The following HCRTR2 variants were observed in gnomAD, a reference collection of about 807,000 sequenced individuals.
HCRTR2 encodes the protein hypocretin receptor 2.
In HCRTR2, 22 loss-of-function variants were observed where a neutral mutation model predicts 49.0. That is an observed-to-expected ratio of 0.45 (90% CI 0.32 to 0.64). The LOEUF (loss-of-function observed/expected upper bound fraction) is 0.64. Among genes scored for constraint, HCRTR2 ranks in the 30% least tolerant of loss-of-function variants. The pLI is 0.04. For missense variants in HCRTR2, 491 were observed against 559.4 expected (o/e 0.88, Z 1.23); for synonymous variants, 236 against 205.3 (o/e 1.15, Z -1.28).
At chr6:55,262,732 G>A (rs1053446983) in intron 3 of HCRTR2, among the ~76,000 whole-genome samples, 39 of 126,870 alleles carry the variant, frequency 3.1e-4, no homozygotes, top group Non-Finnish European at 4.9e-4. Flanking sequence ...ACATATATAA[G>A]GTAGGGAATA....
upstream of HCRTR2, among the ~76,000 whole-genome samples, chr6:55,173,144 A>G (rs1226214891): frequency 6.6e-6 from 1 of 152,372 alleles, no homozygotes; most frequent in African/African-American, 2.4e-5. Context: ...GAATCTGTGA[A>G]GCATTGTCAT....
intron 1 of HCRTR2, among the ~76,000 whole-genome samples, chr6:55,241,501 G>A (rs905208802): frequency 4.6e-5 from 7 of 151,966 alleles, no homozygotes; most frequent in Non-Finnish European, 8.8e-5. Context: ...AAATTGTTAT[G>A]CTATTTATTT....
At chr6:55,124,280 C>A (rs988539308) in intron 1 of HCRTR2, among the ~76,000 whole-genome samples, 1 of 152,180 alleles carries the variant, frequency 6.6e-6, no homozygotes, top group African/African-American at 2.4e-5. Flanking sequence ...CTACACACTG[C>A]TTTAAATGTG....
chr6:55,136,728 A>C (rs1435757963), intron 1 of HCRTR2, among the ~76,000 whole-genome samples: 1 of 152,152 alleles, frequency 6.6e-6, no homozygotes, highest in Non-Finnish European at 1.5e-5. Flanking sequence ...TATTGCCTTA[A>C]AATTTTTAAT....
chr6:55,278,452 T>C (rs1165959693), intron 5 of HCRTR2, among the ~76,000 whole-genome samples: 3 of 152,184 alleles, frequency 2.0e-5, no homozygotes, highest in Non-Finnish European at 4.4e-5. Context: ...CTGGGAACTC[T>C]GAAGAACAGC....
chr6:55,277,353 A>G (rs879048343), intron 4 of HCRTR2, 27 bp from the exon 5 acceptor site: 3 of 1,575,912 alleles, frequency 1.9e-6, no homozygotes, highest in Non-Finnish European at 1.7e-6. Context: ...TCAAATTGCA[A>G]TAAGGGTCTG....
chr6:55,225,269 T>C (rs1453905159), intron 1 of HCRTR2, among the ~76,000 whole-genome samples: 1 of 152,222 alleles, frequency 6.6e-6, no homozygotes, highest in Non-Finnish European at 1.5e-5. Flanking sequence ...TAGTGTGTCA[T>C]ACAAATACCC....
intron 1 of HCRTR2, among the ~76,000 whole-genome samples, chr6:55,129,267 C>G (rs751863916): frequency 6.6e-6 from 1 of 152,186 alleles, no homozygotes; most frequent in Non-Finnish European, 1.5e-5. Context: ...ATCATATCCC[C>G]TTGTGTTTTC....
chr6:55,279,019 G>A (rs1205785921), intron 5 of HCRTR2, among the ~76,000 whole-genome samples: 1 of 151,372 alleles, frequency 6.6e-6, no homozygotes, highest in Non-Finnish European at 1.5e-5. Context: ...AATAATATAT[G>A]TCTTATTCTT....
intron 1 of HCRTR2, among the ~76,000 whole-genome samples, chr6:55,239,387 T>C (rs1766276516): frequency 6.6e-6 from 1 of 152,190 alleles, no homozygotes. Flanking sequence ...TTTCCCACTT[T>C]CTTCACTGTA....
intron 1 of HCRTR2, among the ~76,000 whole-genome samples, chr6:55,209,721 C>T (rs1765664209): frequency 6.6e-6 from 1 of 152,120 alleles, no homozygotes; most frequent in East Asian, 1.9e-4. Context: ...CTTACCACTT[C>T]AAGTGTTGGC....
intron 1 of HCRTR2, among the ~76,000 whole-genome samples, chr6:55,117,397 C>G (rs1292771109): frequency 6.6e-6 from 1 of 151,656 alleles, no homozygotes; most frequent in Non-Finnish European, 1.5e-5. Context: ...TACTGAATCT[C>G]AGACAAGTGC....
At chr6:55,142,476 G>A (rs376111291) in intron 1 of HCRTR2, among the ~76,000 whole-genome samples, 6 of 151,532 alleles carry the variant, frequency 4.0e-5, no homozygotes, top group African/African-American at 1.5e-4. Context: ...TAAAGTGCTG[G>A]GATTACAGGC....
intron 1 of HCRTR2, among the ~76,000 whole-genome samples, chr6:55,148,059 T>A (rs1389177989): frequency 6.6e-6 from 1 of 152,134 alleles, no homozygotes; most frequent in African/African-American, 2.4e-5. Context: ...CATTTCTTTT[T>A]CAATAGAAAC....
At chr6:55,239,674 A>T (rs935579973) in intron 1 of HCRTR2, among the ~76,000 whole-genome samples, 1 of 152,182 alleles carries the variant, frequency 6.6e-6, no homozygotes, top group African/African-American at 2.4e-5. Flanking sequence ...GCAATGAGAA[A>T]ATATTTGTCC....
chr6:55,244,953 T>G (rs1766403139), intron 1 of HCRTR2, among the ~76,000 whole-genome samples: 1 of 152,044 alleles, frequency 6.6e-6, no homozygotes, highest in African/African-American at 2.4e-5. Flanking sequence ...TTGAGTTTGT[T>G]GAAGATAAAT....
chr6:55,212,797 A>G (rs769811018), intron 1 of HCRTR2, among the ~76,000 whole-genome samples: 11 of 152,212 alleles, frequency 7.2e-5, no homozygotes, highest in Admixed American at 2.0e-4. Context: ...GTAAACAAAC[A>G]TATCATAAGT....
intron 4 of HCRTR2, among the ~76,000 whole-genome samples, chr6:55,269,087 C>CAAAAAAA (rs1158724252): frequency 3.6e-5 from 2 of 55,740 alleles, no homozygotes; most frequent in African/African-American, 5.1e-5. Flanking sequence ...GACTCCGTCT[C>CAAAAAAA]AAAAAAAAAA....
intron 3 of HCRTR2, among the ~76,000 whole-genome samples, chr6:55,255,973 T>A (rs1314694830): frequency 6.6e-6 from 1 of 152,200 alleles, no homozygotes; most frequent in Non-Finnish European, 1.5e-5. Context: ...TATGAATCAA[T>A]CTGGTTTCCC....
Sources: allele counts gnomAD v4.1 joint callset (sites outside exome capture counted in the v4.1 genomes callset), GRCh38; gene constraint gnomAD v4.1.1; transcripts MANE v1.5; gene names NCBI Gene and HGNC (gene_info 2026-07-23, HGNC 2026-07-21).